The following MYO7A variants were observed in gnomAD, a reference collection of about 807,000 sequenced individuals.
MYO7A encodes myosin VIIA, also known as unconventional myosin-VIIa.
Under a neutral mutation model 263.8 loss-of-function variants are expected in MYO7A, and 210 were observed. That is an observed-to-expected ratio of 0.80 (90% CI 0.71 to 0.89). The LOEUF (loss-of-function observed/expected upper bound fraction) is 0.89, where lower values mean the gene tolerates loss of function less well. Among genes scored for constraint, MYO7A ranks in the 40% least tolerant of loss-of-function variants. The pLI, the probability that MYO7A is intolerant of heterozygous loss-of-function variation, is 0.00. For synonymous variants in MYO7A, 1,239 were observed against 1,197.3 expected, an observed-to-expected ratio of 1.03 and a Z score of -0.72; for missense variants, 2,820 against 2,968.3, an observed-to-expected ratio of 0.95 and a Z score of 1.16.
Position 77,179,705 on chromosome 11 carries a change from G to T in MYO7A, c.2368-30G>T, listed in dbSNP as rs1442944109. The T allele has an allele frequency of 1.1e-5, 17 of 1,504,200 alleles. No homozygotes were observed. The African/African-American group carries it at 2.2e-4, about 20-fold the overall frequency. 93.2% of individuals were successfully genotyped at this position (1,504,200 alleles called of 1,614,324 possible). A position where few individuals can be genotyped will look rare whatever the true frequency, so the allele number is the denominator to read the frequency against. ...GGGTCAGTCTGGAATGGGACAGCAG[G>T]CTCTGAGCATGGGGTGGCTGTCCTT... On this transcript the variant is annotated intron_variant, in intron 20 of 48. Transcript: ENST00000409709.
Position 77,181,542 on chromosome 11 carries a change from TCAGGTGG to T in MYO7A, c.2859_2865del (p.Gly954CysfsTer106). 1 of 1,613,438 alleles carries T rather than the reference TCAGGTGG, an allele frequency of 6.2e-7. No homozygotes were observed. Among genetic ancestry groups the T allele is most frequent in the South Asian group, 1.1e-5 (1 of 91,076 alleles). On this transcript the variant is annotated frameshift_variant, in exon 23 of 49. Transcript: ENST00000409709. LOFTEE classifies it high-confidence loss of function. Reference sequence around the variant, plus strand: ...CAAGATGTTTGGCTTCCTGGGGACTTCAGGTGGCCTGCCAGGCCAGGAGGGCCAGGCA... The same window carrying T: ...CAAGATGTTTGGCTTCCTGGGGACTTCCTGCCAGGCCAGGAGGGCCAGGCA...
At chr11:77,207,550 C>G (rs1029236004) in intron 42 of MYO7A, 148 bp downstream of exon 42, 1 of 686,738 alleles carries the variant, frequency 1.5e-6, no homozygotes, top group Non-Finnish European at 2.6e-6. Flanking sequence ...GCAGCCTCCC[C>G]TTACATGGAG....
rs370206645 is a variant in MYO7A at position 77,214,704 on chromosome 11, C to T, written c.*8C>T. 2.2e-4 allele frequency: 346 copies of T among 1,558,898 alleles called. No individual in the cohort carries two copies. In the African/African-American group the frequency reaches 3.3e-3, roughly 15 times the overall value. On this transcript the variant is annotated 3_prime_UTR_variant, in exon 49 of 49. Transcript: ENST00000409709. ...TCCAGGAGCGGCAAGTGAACAGTCA[C>T]GGGGAGGTGCTGGTTCCATGCCTGC...
intron 11 of MYO7A, 21 bp from the exon 12 acceptor site, chr11:77,160,952 T>C: frequency 6.3e-7 from 1 of 1,580,774 alleles, no homozygotes; most frequent in Non-Finnish European, 8.6e-7. Context: ...CTGGTGCCAG[T>C]GGCTGATCAC....
intron 3 of MYO7A, among the ~76,000 whole-genome samples, chr11:77,145,587 A>G (rs1951505224): frequency 6.6e-6 from 1 of 151,840 alleles, no homozygotes; most frequent in Non-Finnish European, 1.5e-5. Context: ...CGGGGACCGC[A>G]TGGGGGGATT....
In MYO7A at chr11:77,203,477, C is replaced by A. The variant is rs1426064736; in HGVS notation, c.5326+260C>A. ...CAGGTAGAGCAGGGACCAGCCCAGC[C>A]CCTGGCCTCATGGGACCATACACAC... On this transcript the variant is annotated intron_variant, in intron 38 of 48. Coordinates refer to ENST00000409709, the MANE Select transcript of MYO7A (RefSeq NM_000260.4). 2.0e-5 allele frequency among the ~76,000 whole-genome samples: 3 copies of A among 152,278 alleles called. No individual in the cohort carries two copies. The East Asian group carries it at 5.8e-4, about 29-fold the overall frequency.
chr11:77,182,301 C>T (rs1190528902), intron 24 of MYO7A, 123 bp from the exon 25 acceptor site: 13 of 1,437,764 alleles, frequency 9.0e-6, no homozygotes, highest in African/African-American at 2.8e-5. Flanking sequence ...ACTGCGGTGC[C>T]CAGCCTGAGG....
At chr11:77,137,743 A>G (rs972105801) in intron 2 of MYO7A, among the ~76,000 whole-genome samples, 1 of 152,116 alleles carries the variant, frequency 6.6e-6, no homozygotes, top group African/African-American at 2.4e-5. Flanking sequence ...CAGGCCTCCA[A>G]GGCCTCTTCT....
chr11:77,136,169 C>T (rs1277963864), intron 2 of MYO7A, among the ~76,000 whole-genome samples: 2 of 152,174 alleles, frequency 1.3e-5, no homozygotes, highest in Non-Finnish European at 2.9e-5. Context: ...ATATAGAATT[C>T]TTTCTTGACA....
intron 28 of MYO7A, 41 bp from the exon 29 acceptor site, chr11:77,189,979 G>A (rs1369162313): frequency 6.7e-7 from 1 of 1,481,916 alleles, no homozygotes. Flanking sequence ...AATCCACATG[G>A]GGAGCCCCAG....
chr11:77,198,752 C>CG, intron 34 of MYO7A, 131 bp downstream of exon 34: 1 of 1,397,200 alleles, frequency 7.2e-7, no homozygotes. Flanking sequence ...CAGTTTGTGC[C>CG]GCACTGTGCA....
At chr11:77,131,117 C>T (rs1950754311) in intron 2 of MYO7A, among the ~76,000 whole-genome samples, 1 of 152,154 alleles carries the variant, frequency 6.6e-6, no homozygotes, top group African/African-American at 2.4e-5. Flanking sequence ...GGTGCTGGCC[C>T]GAGCTGAGTC....
intron 29 of MYO7A, 32 bp downstream of exon 29, chr11:77,190,171 C>T: frequency 1.3e-6 from 2 of 1,527,460 alleles, no homozygotes; most frequent in South Asian, 2.5e-5. Context: ...TGCTCGTGTG[C>T]ATGTGTGCGC....
intron 26 of MYO7A, among the ~76,000 whole-genome samples, chr11:77,184,213 C>T (rs973125140): frequency 7.2e-5 from 11 of 152,038 alleles, no homozygotes; most frequent in African/African-American, 2.7e-4. Context: ...ACTCCAGGTG[C>T]CACAGTTATG....
intron 15 of MYO7A, among the ~76,000 whole-genome samples, chr11:77,170,755 C>T (rs565871421): frequency 3.9e-5 from 6 of 152,082 alleles, no homozygotes; most frequent in Admixed American, 1.3e-4. Context: ...AGCAAAGAGA[C>T]GAGTTGGGGG....
At chr11:77,136,768 C>CCAAGGTAA (rs1950919555) in intron 2 of MYO7A, among the ~76,000 whole-genome samples, 1 of 152,152 alleles carries the variant, frequency 6.6e-6, no homozygotes, top group African/African-American at 2.4e-5. Context: ...AGGAACTTGC[C>CCAAGGTAA]CAAGGTAACA....
chr11:77,142,420 T>C (rs1184563041), intron 2 of MYO7A: 17 of 350,148 alleles, frequency 4.9e-5, no homozygotes, highest in African/African-American at 3.9e-4. Context: ...TGTAGATCCA[T>C]GGGGAGAGCT....
chr11:77,201,957 T>G (rs1957091600), intron 36 of MYO7A, among the ~76,000 whole-genome samples: 2 of 151,936 alleles, frequency 1.3e-5, no homozygotes, highest in Non-Finnish European at 2.9e-5. Context: ...GGAGCCCCCT[T>G]GAGAGCAGCT....
intron 38 of MYO7A, 146 bp from the exon 39 acceptor site, chr11:77,203,930 G>T: frequency 1.1e-6 from 1 of 875,984 alleles, no homozygotes; most frequent in Non-Finnish European, 1.7e-6. Flanking sequence ...AGAGGGTGGG[G>T]CAGATCATGC....
Sources: allele counts gnomAD v4.1 joint callset (sites outside exome capture counted in the v4.1 genomes callset), GRCh38; gene constraint gnomAD v4.1.1; transcripts MANE v1.5; gene names NCBI Gene and HGNC (gene_info 2026-07-23, HGNC 2026-07-21).